The following AHCYL2 variants were observed in gnomAD, a reference collection of about 807,000 sequenced individuals.
AHCYL2 encodes the protein adenosylhomocysteinase like 2.
A neutral mutation model predicts 81.4 loss-of-function variants in AHCYL2; 28 were observed. The ratio of observed to expected loss-of-function variants is 0.34; its 90% CI spans 0.25 to 0.47. The LOEUF (loss-of-function observed/expected upper bound fraction) is 0.47. AHCYL2 is among the 20% of genes least tolerant of loss of function. The pLI, the probability that AHCYL2 is intolerant of heterozygous loss-of-function variation, is 1.00. For synonymous variants in AHCYL2, 272 were observed against 290.2 expected (o/e 0.94, Z 0.64); for missense variants, 551 against 785.1 (o/e 0.70, Z 3.56).
chr7:129,244,461 A>G (rs1794977899), intron 1 of AHCYL2, among the ~76,000 whole-genome samples: 7 of 152,140 alleles, frequency 4.6e-5, no homozygotes, highest in Admixed American at 4.6e-4. Flanking sequence ...TAAACAATGG[A>G]ACTTGCTTTC....
rs573027323 is a variant in AHCYL2 at position 129,298,966 on chromosome 7, G to T, written c.363+73527G>T. ...CTTTGCAGGCTATATGTTTTTTGTT[G>T]TAACTACTCAAACCTGTTATTGTAG... On this transcript the variant is annotated intron_variant, in intron 1 of 16. Coordinates refer to ENST00000325006, the MANE Select transcript of AHCYL2 (RefSeq NM_015328.4). Among the ~76,000 whole-genome samples, 3 of 152,060 alleles carry T rather than the reference G, an allele frequency of 2.0e-5. No individual in the cohort carries two copies. The East Asian group carries it at 5.8e-4, about 29-fold the overall frequency.
chr7:129,263,738 A>G (rs768151792), intron 1 of AHCYL2, among the ~76,000 whole-genome samples: 5 of 152,240 alleles, frequency 3.3e-5, no homozygotes, highest in South Asian at 4.1e-4. Context: ...CAGATGCAAT[A>G]TGGAGAATGG....
In AHCYL2 at chr7:129,406,383, G is replaced by A. The variant is rs746216857; in HGVS notation, c.1212G>A (p.Gly404=). 19 of 1,613,984 alleles carry A rather than the reference G, an allele frequency of 1.2e-5. No homozygotes were observed. Among genetic ancestry groups the A allele is most frequent in the Non-Finnish European group, 1.5e-5 (18 of 1,179,924 alleles). ...QVVVCGYGEV[G]KGCCAALKAM... is the part of the protein sequence containing the mutation. ...GTGCTCTCTCCCCTCTTCAGGTGGGGAAAGGGTGCTGTGCTGCCCTGAAAG... is the reference window on the plus strand; with the variant it reads ...GTGCTCTCTCCCCTCTTCAGGTGGGAAAAGGGTGCTGTGCTGCCCTGAAAG... The change falls in exon 10 of 17, where the codon GGG becomes GGA. Residue 404 remains glycine (G), a synonymous_variant. Transcript: ENST00000325006. The surrounding 1 kb of genome is among the most constrained non-coding windows in gnomAD (Gnocchi z 4.3).
intron 1 of AHCYL2, among the ~76,000 whole-genome samples, chr7:129,340,044 T>C (rs1018634525): frequency 6.8e-6 from 1 of 146,460 alleles, no homozygotes; most frequent in African/African-American, 2.5e-5. Context: ...TCAGCCTCCC[T>C]AGCAGCTGGG....
chr7:129,331,598 C>T (rs902824569), intron 1 of AHCYL2, among the ~76,000 whole-genome samples: 1 of 152,134 alleles, frequency 6.6e-6, no homozygotes, highest in Admixed American at 6.5e-5. Context: ...AATCCCAGCA[C>T]TTTGGGAGGC....
intron 1 of AHCYL2, among the ~76,000 whole-genome samples, chr7:129,357,429 AG>A (rs2150837774): frequency 6.6e-6 from 1 of 152,322 alleles, no homozygotes; most frequent in South Asian, 2.1e-4. Flanking sequence ...TTATTTCAAA[AG>A]AAAATGTTTT....
At chr7:129,357,047 T>TTAATC (rs1271932026) in intron 1 of AHCYL2, among the ~76,000 whole-genome samples, 1 of 152,226 alleles carries the variant, frequency 6.6e-6, no homozygotes, top group African/African-American at 2.4e-5. Flanking sequence ...TGCTAGTTTT[T>TTAATC]TAATCAAATC....
intron 1 of AHCYL2, chr7:129,351,569 T>C (rs557474318): frequency 3.3e-5 from 5 of 152,336 alleles, no homozygotes; most frequent in South Asian, 2.1e-4. Flanking sequence ...GAAATCGCCA[T>C]TGGCAATGGT....
chr7:129,285,686 C>T (rs1422688573), intron 1 of AHCYL2, among the ~76,000 whole-genome samples: 1 of 129,978 alleles, frequency 7.7e-6, no homozygotes, highest in East Asian at 2.4e-4. Context: ...TATTTTCTTT[C>T]TCTCTCTCTC....
chr7:129,345,163 T>C (rs1793318331), intron 1 of AHCYL2, among the ~76,000 whole-genome samples: 1 of 152,082 alleles, frequency 6.6e-6, no homozygotes, highest in Admixed American at 6.6e-5. Context: ...AAATTCTGCC[T>C]TCAGTGGGAG....
At chr7:129,236,323 C>G (rs1195978416) in intron 1 of AHCYL2, among the ~76,000 whole-genome samples, 4 of 152,024 alleles carry the variant, frequency 2.6e-5, no homozygotes, top group Non-Finnish European at 5.9e-5. Context: ...GCCTCAGCCT[C>G]CCGAGTAGCT....
chr7:129,323,186 G>A (rs1798100670), intron 1 of AHCYL2, among the ~76,000 whole-genome samples: 1 of 151,948 alleles, frequency 6.6e-6, no homozygotes, highest in Admixed American at 6.6e-5. Context: ...TTTTATCTGA[G>A]ACTTTTCTTC....
At chr7:129,236,629 G>C (rs553571234) in intron 1 of AHCYL2, among the ~76,000 whole-genome samples, 1 of 152,146 alleles carries the variant, frequency 6.6e-6, no homozygotes, top group Admixed American at 6.6e-5. Flanking sequence ...GTGCTTGGCC[G>C]TGTTTTAAAC....
chr7:129,292,658 T>G (rs572018882), intron 1 of AHCYL2, among the ~76,000 whole-genome samples: 31 of 152,024 alleles, frequency 2.0e-4, no homozygotes, highest in Non-Finnish European at 3.4e-4. Flanking sequence ...TCCCAGCTAG[T>G]TGGGAGGCTG....
chr7:129,400,077 C>T (rs1295608329), intron 5 of AHCYL2, among the ~76,000 whole-genome samples: 3 of 152,036 alleles, frequency 2.0e-5, no homozygotes, highest in African/African-American at 7.2e-5. Flanking sequence ...TTCTGCTTGT[C>T]CTCCTTGGGC....
Position 129,368,656 on chromosome 7 carries a change from C to A in AHCYL2, c.364-10982C>A. On this transcript the variant is annotated intron_variant, in intron 1 of 16. Transcript: ENST00000325006. The surrounding 1 kb of genome is among the most constrained non-coding windows in gnomAD (Gnocchi z 4.4). Reference sequence around the variant, plus strand: ...ACCTCTGAGAAGCTCCTACCAAGATCCGTGGTTGGAAAAACAGTTATTACT... The same window carrying A: ...ACCTCTGAGAAGCTCCTACCAAGATACGTGGTTGGAAAAACAGTTATTACT... The A allele has an allele frequency of 1.5e-6, 2 of 1,377,770 alleles. No homozygotes were observed. Among genetic ancestry groups the A allele is most frequent in the Non-Finnish European group, 2.1e-6 (2 of 974,550 alleles). The allele number at this position is 1,377,770 out of a possible 1,614,324, so 85.3% of individuals were successfully genotyped here. A position where few individuals can be genotyped will look rare whatever the true frequency, so the allele number is the denominator to read the frequency against.
chr7:129,314,172 C>A (rs1797756387), intron 1 of AHCYL2, among the ~76,000 whole-genome samples: 1 of 152,172 alleles, frequency 6.6e-6, no homozygotes, highest in Non-Finnish European at 1.5e-5. Flanking sequence ...CAAGTCATCC[C>A]TTCTAGTCTC....
At chr7:129,386,617 T>C (rs962310874) in intron 2 of AHCYL2, among the ~76,000 whole-genome samples, 1 of 152,222 alleles carries the variant, frequency 6.6e-6, no homozygotes, top group African/African-American at 2.4e-5. Flanking sequence ...ATTTTTTTCT[T>C]TGAGTTGGTG....
chr7:129,408,968 C>T (rs1796435475), intron 10 of AHCYL2, among the ~76,000 whole-genome samples: 1 of 152,004 alleles, frequency 6.6e-6, no homozygotes, highest in Admixed American at 6.6e-5. Flanking sequence ...CCTGGCTACT[C>T]AGGAGGCTGA....
Sources: gnomAD v4.1 joint callset for allele counts (sites outside exome capture counted in the v4.1 genomes callset) on GRCh38, gnomAD v4.1.1 for gene constraint, Gnocchi (gnomAD v3.1) non-coding constraint, MANE v1.5 for transcripts, NCBI Gene and HGNC (gene_info 2026-07-23, HGNC 2026-07-21) for gene names.